ARHGAP19: variants seen among roughly 807,000 people sequenced by gnomAD.
ARHGAP19 encodes rho GTPase-activating protein 19.
ARHGAP19 carries 48 observed loss-of-function variants against 60.9 expected under a neutral mutation model. That is an observed-to-expected ratio of 0.79 (90% CI 0.62 to 1.00). The LOEUF is 1.00. Ranked by LOEUF, ARHGAP19 falls within the 50% of genes least tolerant of loss-of-function variation. The pLI is 0.00. For missense variants in ARHGAP19, 562 were observed against 597.2 expected (o/e 0.94, Z 0.61); for synonymous variants, 209 against 215.5 (o/e 0.97, Z 0.27).
rs61751502 is a variant in ARHGAP19 at position 97,259,530 on chromosome 10, G to C, written c.712C>G (p.Pro238Ala). 139 of 1,614,096 alleles carry C rather than the reference G, an allele frequency of 8.6e-5. No homozygotes were observed. The highest frequency in any genetic ancestry group is 6.2e-5 in the Non-Finnish European group (73 of 1,180,044). The part of the protein sequence containing the change: ...LQLLFLILPP[P>A]NRNLLKLLLD... The stretch of plus-strand genomic sequence containing the variant: ...AATAACTTCAGCAAATTACGATTAG[G>C]AGGAGGGAGAATGAGGAAGAGCAAC... The change falls in exon 5 of 12, where the codon CCT becomes GCT. Residue 238 changes from proline to alanine, a missense_variant. Coordinates refer to ENST00000358531, the MANE Select transcript of ARHGAP19 (RefSeq NM_032900.6).
At chr10:97,254,453 A>C (rs1842727918) in intron 6 of ARHGAP19, among the ~76,000 whole-genome samples, 1 of 152,190 alleles carries the variant, frequency 6.6e-6, no homozygotes, top group Non-Finnish European at 1.5e-5. Context: ...TTCTTCAACA[A>C]ATGGTGCTGG....
intron 3 of ARHGAP19, among the ~76,000 whole-genome samples, 194 bp from the exon 4 acceptor site, chr10:97,263,823 G>C (rs764581441): frequency 6.6e-6 from 1 of 152,174 alleles, no homozygotes; most frequent in Non-Finnish European, 1.5e-5. Flanking sequence ...ATGTCCCTGA[G>C]CATTTGGAGA....
intron 1 of ARHGAP19, among the ~76,000 whole-genome samples, chr10:97,288,205 T>C (rs982017941): frequency 3.9e-5 from 6 of 152,212 alleles, no homozygotes; most frequent in African/African-American, 1.4e-4. Flanking sequence ...TATTTACATA[T>C]GTATTCATCT....
chr10:97,234,904 G>A (rs913808512), intron 9 of ARHGAP19, among the ~76,000 whole-genome samples: 2 of 152,056 alleles, frequency 1.3e-5, no homozygotes, highest in Non-Finnish European at 2.9e-5. Context: ...TGTGTAACTC[G>A]AAGCTGATCA....
intron 4 of ARHGAP19, 120 bp downstream of exon 4, chr10:97,263,300 G>A (rs575048821): frequency 2.6e-5 from 27 of 1,047,046 alleles, no homozygotes; most frequent in South Asian, 4.4e-5. Flanking sequence ...GCAACATCAC[G>A]AAATCTTAAC....
At chr10:97,237,157 C>A (rs929278327) in intron 8 of ARHGAP19, among the ~76,000 whole-genome samples, 1 of 148,994 alleles carries the variant, frequency 6.7e-6, no homozygotes, top group Non-Finnish European at 1.5e-5. Flanking sequence ...CCCGGCTACT[C>A]AGGAGGCTGA....
At chr10:97,256,879 T>C (rs939849724) in intron 5 of ARHGAP19, among the ~76,000 whole-genome samples, 26 of 151,788 alleles carry the variant, frequency 1.7e-4, no homozygotes, top group African/African-American at 6.1e-4. Flanking sequence ...CCCAGCACTT[T>C]GGGAGGCCAA....
chr10:97,257,817 T>C (rs113142319), intron 5 of ARHGAP19, among the ~76,000 whole-genome samples: 6,451 of 152,146 alleles, frequency 0.042, 206 homozygotes, highest in Non-Finnish European at 0.061. Context: ...CTCTCTCCTT[T>C]ACCTTCCTTT....
intron 11 of ARHGAP19, among the ~76,000 whole-genome samples, 193 bp from the exon 12 acceptor site, chr10:97,226,325 T>C (rs1850894099): frequency 6.6e-6 from 1 of 152,220 alleles, no homozygotes; most frequent in Non-Finnish European, 1.5e-5. Context: ...ATCATCTTAA[T>C]GGCCGTAACA....
At chr10:97,256,543 A>C (rs914576512) in intron 5 of ARHGAP19, 139 bp from the exon 6 acceptor site, 21 of 621,646 alleles carry the variant, frequency 3.4e-5, no homozygotes, top group Non-Finnish European at 5.3e-5. Flanking sequence ...TTCTGGGAAG[A>C]CTTTTTGGTT....
At chr10:97,247,252 G>A (rs2134846705) in intron 6 of ARHGAP19, among the ~76,000 whole-genome samples, 1 of 152,258 alleles carries the variant, frequency 6.6e-6, no homozygotes, top group African/African-American at 2.4e-5. Context: ...CAAGGCTGCA[G>A]TGAGCCATGT....
intron 6 of ARHGAP19, among the ~76,000 whole-genome samples, chr10:97,252,002 T>C (rs1397394096): frequency 6.6e-6 from 1 of 151,736 alleles, no homozygotes; most frequent in African/African-American, 2.4e-5. Context: ...GCTCAAGTAT[T>C]AGAAATTGGC....
intron 6 of ARHGAP19, among the ~76,000 whole-genome samples, chr10:97,252,513 A>G (rs1842698862): frequency 6.6e-6 from 1 of 151,398 alleles, no homozygotes; most frequent in Admixed American, 6.6e-5. Context: ...AGTCCCAGCT[A>G]CTCGGGAGGC....
At chr10:97,263,765 C>A in intron 3 of ARHGAP19, 136 bp from the exon 4 acceptor site, 1 of 803,154 alleles carries the variant, frequency 1.2e-6, no homozygotes, top group Non-Finnish European at 2.0e-6. Flanking sequence ...TGCCTTTTTT[C>A]ACCAGGGTAG....
intron 6 of ARHGAP19, among the ~76,000 whole-genome samples, chr10:97,247,819 G>GA (rs1157113148): frequency 6.6e-6 from 1 of 151,752 alleles, no homozygotes; most frequent in Non-Finnish European, 1.5e-5. Context: ...ATTTGTGTAA[G>GA]AAAAAACCAG....
At chr10:97,266,628 T>A (rs1842902092) in intron 1 of ARHGAP19, among the ~76,000 whole-genome samples, 1 of 152,184 alleles carries the variant, frequency 6.6e-6, no homozygotes, top group Admixed American at 6.5e-5. Flanking sequence ...TACCCAAGAC[T>A]GGGTAATTTA....
At chr10:97,238,958 C>T (rs891389222) in intron 8 of ARHGAP19, among the ~76,000 whole-genome samples, 3 of 152,054 alleles carry the variant, frequency 2.0e-5, no homozygotes, top group Admixed American at 6.6e-5. Flanking sequence ...TGTACCTTTC[C>T]TTTGTTTAGA....
intron 11 of ARHGAP19, among the ~76,000 whole-genome samples, chr10:97,226,909 A>G (rs11189045): frequency 0.028 from 4,224 of 152,306 alleles, 186 homozygotes; most frequent in African/African-American, 0.093. Flanking sequence ...GTAGGTGCTA[A>G]ATCAGTGGTT....
In ARHGAP19 at chr10:97,243,921, C is replaced by T. The variant is rs184606476; in HGVS notation, c.1185+47G>A. 1.9e-3 allele frequency: 2,814 copies of T among 1,487,372 alleles called. 5 individuals carry two copies. Among genetic ancestry groups the T allele is most frequent in the Non-Finnish European group, 2.3e-3 (2,523 of 1,099,502 alleles). The allele number at this position is 1,487,372 out of a possible 1,614,324, so 92.1% of individuals were successfully genotyped here. A position where few individuals can be genotyped will look rare whatever the true frequency, so the allele number is the denominator to read the frequency against. ...ATATGACCTACTGATTCTACAACCACGATTACACTCCTAAAGCCCCATCAC... is the reference window on the plus strand; with the variant it reads ...ATATGACCTACTGATTCTACAACCATGATTACACTCCTAAAGCCCCATCAC... On this transcript the variant is annotated intron_variant, in intron 8 of 11. Coordinates refer to ENST00000358531, the MANE Select transcript of ARHGAP19 (RefSeq NM_032900.6).
Sources: gnomAD v4.1 joint callset for allele counts (sites outside exome capture counted in the v4.1 genomes callset) on GRCh38, gnomAD v4.1.1 for gene constraint, MANE v1.5 for transcripts, NCBI Gene and HGNC (gene_info 2026-07-23, HGNC 2026-07-21) for gene names.